RBMS1: variants seen among roughly 807,000 people sequenced by gnomAD.
RBMS1 encodes the protein RNA-binding motif, single-stranded-interacting protein 1.
Under a neutral mutation model 62.3 loss-of-function variants are expected in RBMS1, and 17 were observed. The ratio of observed to expected loss-of-function variants is 0.27; its 90% CI spans 0.19 to 0.41. RBMS1 has a LOEUF of 0.41. Among genes scored for constraint, RBMS1 ranks in the 10% least tolerant of loss-of-function variants. The pLI, the probability that RBMS1 is intolerant of heterozygous loss-of-function variation, is 1.00. For synonymous variants in RBMS1, 172 were observed against 170.0 expected (o/e 1.01, Z -0.09); for missense variants, 334 against 504.5 (o/e 0.66, Z 3.24).
intron 2 of RBMS1, among the ~76,000 whole-genome samples, chr2:160,351,789 T>C (rs1178064997): frequency 6.6e-6 from 1 of 152,084 alleles, no homozygotes; most frequent in Non-Finnish European, 1.5e-5. Context: ...GTGAGCCACT[T>C]TGATAATAAA....
At chr2:160,346,819 A>C (rs1203071738) in intron 2 of RBMS1, among the ~76,000 whole-genome samples, 4 of 152,086 alleles carry the variant, frequency 2.6e-5, no homozygotes, top group Non-Finnish European at 4.4e-5. Flanking sequence ...TTATGAACAA[A>C]ATTTCTTAAA....
intron 1 of RBMS1, among the ~76,000 whole-genome samples, chr2:160,473,288 T>C (rs1343724144): frequency 6.6e-6 from 1 of 152,184 alleles, no homozygotes; most frequent in East Asian, 1.9e-4. Context: ...AAAAAAGTAA[T>C]CTATTACAGA....
chr2:160,320,835 C>T (rs1043647938), intron 2 of RBMS1, among the ~76,000 whole-genome samples: 2 of 152,112 alleles, frequency 1.3e-5, no homozygotes, highest in East Asian at 1.9e-4. Flanking sequence ...TACAGGAACA[C>T]GAAAAATGGA....
chr2:160,374,066 G>C (rs1693869257), intron 1 of RBMS1, among the ~76,000 whole-genome samples: 1 of 151,798 alleles, frequency 6.6e-6, no homozygotes, highest in Non-Finnish European at 1.5e-5. Context: ...TGAGCCCAGG[G>C]GGTTGAGACC....
chr2:160,314,988 T>C (rs1452755898), intron 3 of RBMS1, among the ~76,000 whole-genome samples: 2 of 152,222 alleles, frequency 1.3e-5, no homozygotes. Context: ...AATGAAATGA[T>C]ACAGCTTTTA....
At chr2:160,324,903 TATATACACACAC>T (rs1690825423) in intron 2 of RBMS1, among the ~76,000 whole-genome samples, 1 of 118,984 alleles carries the variant, frequency 8.4e-6, no homozygotes, top group Non-Finnish European at 1.7e-5. Flanking sequence ...TATATATATA[TATATACACACAC>T]ACACACACAC....
intron 8 of RBMS1, 31 bp downstream of exon 8, chr2:160,284,964 A>C (rs1332525623): frequency 6.2e-7 from 1 of 1,602,354 alleles, no homozygotes; most frequent in South Asian, 1.1e-5. Flanking sequence ...ATTTTCCCTC[A>C]AGCCATTATG....
chr2:160,280,145 A>G (rs7572970), intron 10 of RBMS1, among the ~76,000 whole-genome samples: 107,778 of 152,062 alleles, frequency 0.71, 38,693 homozygotes, highest in East Asian at 0.82. Flanking sequence ...ATTCAAAGCA[A>G]GCTGATTTCC....
Position 160,278,552 on chromosome 2 carries a change from C to T in RBMS1, c.1058G>A (p.Gly353Glu), listed in dbSNP as rs922754917. Residue 353 changes from glycine (G) to glutamate (E), a missense_variant, in exon 11 of 14, where the codon GGA becomes GAA. Physicochemically the swap from Gly to Glu is moderately conservative, Grantham distance 98 (BLOSUM62 -2). Transcript: ENST00000348849. ...TGATAATTATTTGCCACCTACTGTT[C>T]CGGTGCTGCCTAGTGACAGATGACT... ...QMSHLSLGST[G>E]TYMPATSAMQ... The T allele has an allele frequency of 6.2e-7, 1 of 1,611,504 alleles. No homozygotes were observed.
chr2:160,273,504 T>G lies in RBMS1; in HGVS notation c.*1268A>C, dbSNP rs1002879782. The G allele has an allele frequency of 2.7e-5, 4 of 150,384 alleles. No individual in the cohort carries two copies. The highest frequency in any genetic ancestry group is 4.5e-5 in the Non-Finnish European group (3 of 67,328). 9.3% of individuals were successfully genotyped at this position (150,384 alleles called of 1,614,324 possible). A position where few individuals can be genotyped will look rare whatever the true frequency, so the allele number is the denominator to read the frequency against. ...ATTTTTATTTTTCAAATTTACCTAATAGAGAGAGAGAGAGAGAGCTAGTAG... is the reference window on the plus strand; with the variant it reads ...ATTTTTATTTTTCAAATTTACCTAAGAGAGAGAGAGAGAGAGAGCTAGTAG... On this transcript the variant is annotated 3_prime_UTR_variant, in exon 14 of 14. Transcript: ENST00000348849.
intron 1 of RBMS1, among the ~76,000 whole-genome samples, chr2:160,426,300 AG>A (rs1682608901): frequency 3.2e-5 from 1 of 30,868 alleles, no homozygotes; most frequent in African/African-American, 1.2e-4. Context: ...AAAAGAAAGA[AG>A]GAAGGAAGGA....
intron 1 of RBMS1, among the ~76,000 whole-genome samples, chr2:160,415,366 A>C (rs2105260268): frequency 6.6e-6 from 1 of 152,268 alleles, no homozygotes; most frequent in East Asian, 1.9e-4. Context: ...TATGTGAGCA[A>C]ACTGTGGGTA....
At chr2:160,280,154 C>T (rs1435522556) in intron 10 of RBMS1, among the ~76,000 whole-genome samples, 1 of 152,148 alleles carries the variant, frequency 6.6e-6, no homozygotes, top group Non-Finnish European at 1.5e-5. Context: ...AAGCTGATTT[C>T]CAAGCATTCC....
At chr2:160,337,675 C>T (rs546218004) in intron 2 of RBMS1, among the ~76,000 whole-genome samples, 1 of 151,948 alleles carries the variant, frequency 6.6e-6, no homozygotes, top group African/African-American at 2.4e-5. Context: ...GGGAGGGGAA[C>T]CACATATTTA....
intron 1 of RBMS1, among the ~76,000 whole-genome samples, chr2:160,435,551 A>G (rs1001080632): frequency 1.3e-5 from 2 of 152,192 alleles, no homozygotes; most frequent in African/African-American, 4.8e-5. Context: ...GGAATGGCAG[A>G]TTTTTATATT....
intron 1 of RBMS1, among the ~76,000 whole-genome samples, chr2:160,407,140 G>A (rs1338120142): frequency 2.0e-5 from 3 of 152,128 alleles, no homozygotes; most frequent in Non-Finnish European, 2.9e-5. Context: ...ACCGCACTCC[G>A]CTACACACAA....
chr2:160,492,058 A>G (rs1227162547), intron 1 of RBMS1, among the ~76,000 whole-genome samples: 1 of 152,188 alleles, frequency 6.6e-6, no homozygotes, highest in African/African-American at 2.4e-5. Flanking sequence ...CACACATTCT[A>G]AGAAAGAAAA....
At chr2:160,429,140 G>C (rs1309911522) in intron 1 of RBMS1, among the ~76,000 whole-genome samples, 1 of 152,162 alleles carries the variant, frequency 6.6e-6, no homozygotes, top group African/African-American at 2.4e-5. Flanking sequence ...TATTTTAATT[G>C]TCAAAATATA....
chr2:160,313,998 G>T (rs1378863696), intron 3 of RBMS1, among the ~76,000 whole-genome samples: 6 of 152,124 alleles, frequency 3.9e-5, no homozygotes, highest in Admixed American at 3.9e-4. Context: ...TAATGAGCTG[G>T]TCATCTGTCT....
Sources: allele counts gnomAD v4.1 joint callset (sites outside exome capture counted in the v4.1 genomes callset), GRCh38; gene constraint gnomAD v4.1.1; transcripts MANE v1.5; gene names NCBI Gene and HGNC (gene_info 2026-07-23, HGNC 2026-07-21).